The following CD109 variants were observed in gnomAD, a reference collection of about 807,000 sequenced individuals.
CD109 encodes CD109 molecule.
CD109 carries 149 observed loss-of-function variants against 165.8 expected under a neutral mutation model. The ratio of observed to expected loss-of-function variants is 0.90; its 90% CI spans 0.79 to 1.03. The LOEUF (loss-of-function observed/expected upper bound fraction) is 1.03, where lower values mean the gene tolerates loss of function less well. Ranked by LOEUF, CD109 falls within the 50% of genes least tolerant of loss-of-function variation. The pLI is 0.00. For missense variants in CD109, 1,712 were observed against 1,677.8 expected, an observed-to-expected ratio of 1.02 and a Z score of -0.36; for synonymous variants, 585 against 592.1, an observed-to-expected ratio of 0.99 and a Z score of 0.18.
upstream of CD109, chr6:73,696,029 G>A (rs9442945): frequency 3.5e-3 from 2,067 of 583,912 alleles, 32 homozygotes; most frequent in African/African-American, 0.037. Context: ...AATGGGGATG[G>A]GAGGGGTGGA....
chr6:73,750,631 A>T (rs568478782), intron 5 of CD109, among the ~76,000 whole-genome samples: 66 of 152,348 alleles, frequency 4.3e-4, no homozygotes, highest in Non-Finnish European at 6.9e-4. Context: ...GGTAATGTAT[A>T]TAATAGTCTA....
chr6:73,767,928 C>A, intron 13 of CD109, 127 bp from the exon 14 acceptor site: 2 of 778,460 alleles, frequency 2.6e-6, no homozygotes, highest in Non-Finnish European at 2.2e-6. Flanking sequence ...TTCCTGCATT[C>A]CAAAAGACTT....
intron 30 of CD109, among the ~76,000 whole-genome samples, chr6:73,816,572 T>A (rs571853399): frequency 6.6e-6 from 1 of 152,270 alleles, no homozygotes; most frequent in East Asian, 1.9e-4. Flanking sequence ...TCTCATTCAT[T>A]TATTTATTAC....
intron 14 of CD109, among the ~76,000 whole-genome samples, chr6:73,769,383 T>C (rs561994582): frequency 6.6e-6 from 1 of 152,320 alleles, no homozygotes; most frequent in South Asian, 2.1e-4. Context: ...GTAGAAGTTA[T>C]GGAGGCTTAA....
In CD109 at chr6:73,783,807, A is replaced by G; in HGVS notation, c.2206A>G (p.Thr736Ala). 6.3e-7 allele frequency: 1 copy of G among 1,592,390 alleles called. No individual in the cohort carries two copies. The highest frequency in any genetic ancestry group is 8.6e-7 in the Non-Finnish European group (1 of 1,160,756). Reference protein sequence around the residue: ...VISEDLGLGLTTTPVELQAFQ... With the variant: ...VISEDLGLGLATTPVELQAFQ... ...CTCTGAGGACCTGGGTCTTGGACTAACAACTACTCCAGTGGAGGTATTGTA... is the reference window on the plus strand; with the variant it reads ...CTCTGAGGACCTGGGTCTTGGACTAGCAACTACTCCAGTGGAGGTATTGTA... The change falls in exon 19 of 33, where the codon ACA (threonine) becomes GCA (alanine). Residue 736 changes from threonine to alanine, a missense_variant. Coordinates refer to ENST00000287097, the MANE Select transcript of CD109 (RefSeq NM_133493.5).
chr6:73,788,396 T>A (rs1774779271), intron 21 of CD109, 72 bp from the exon 22 acceptor site: 1 of 1,372,834 alleles, frequency 7.3e-7, no homozygotes, highest in South Asian at 1.4e-5. Context: ...ATGTTTGTGC[T>A]CATATCTGCG....
At chr6:73,803,352 C>G in intron 24 of CD109, 51 bp downstream of exon 24, 2 of 1,410,012 alleles carry the variant, frequency 1.4e-6, no homozygotes, top group Non-Finnish European at 2.0e-6. Context: ...TGGGCTTTCA[C>G]TAGGTCACAA....
chr6:73,720,557 T>C (rs1353342398), intron 2 of CD109, among the ~76,000 whole-genome samples: 2 of 152,206 alleles, frequency 1.3e-5, no homozygotes, highest in Non-Finnish European at 2.9e-5. Context: ...AATAGTGTGG[T>C]TTAGCCATTC....
intron 23 of CD109, among the ~76,000 whole-genome samples, chr6:73,802,305 A>ATATATATATATATTTTT (rs1554183463): frequency 2.1e-5 from 1 of 47,608 alleles, no homozygotes; most frequent in African/African-American, 8.5e-5. Context: ...ATATATATAT[A>ATATATATATATATTTTT]TTTTTTTTTT....
At chr6:73,683,626 C>G in the CD109 span, among the ~76,000 whole-genome samples, 1 of 152,146 alleles carries the variant, frequency 6.6e-6, no homozygotes, top group East Asian at 1.9e-4. Flanking sequence ...TCTACTGGTA[C>G]CAATTTACTG....
At chr6:73,719,291 GC>G (rs1332076872) in intron 2 of CD109, among the ~76,000 whole-genome samples, 2 of 152,016 alleles carry the variant, frequency 1.3e-5, no homozygotes, top group Non-Finnish European at 2.9e-5. Flanking sequence ...GAAATAAGCC[GC>G]CCCCAGATTT....
chr6:73,725,572 G>T (rs1420379383), intron 3 of CD109, among the ~76,000 whole-genome samples: 1 of 145,898 alleles, frequency 6.9e-6, no homozygotes, highest in Admixed American at 7.0e-5. Flanking sequence ...GCAGTGGCGC[G>T]ATCTCGGCTC....
intron 3 of CD109, among the ~76,000 whole-genome samples, chr6:73,728,553 C>T (rs375618166): frequency 1.3e-5 from 2 of 152,206 alleles, no homozygotes; most frequent in Non-Finnish European, 2.9e-5. Context: ...ATCTTTCTAT[C>T]CATCCATTAG....
chr6:73,765,620 A>G (rs976327657), intron 10 of CD109, among the ~76,000 whole-genome samples: 3 of 152,150 alleles, frequency 2.0e-5, no homozygotes, highest in Non-Finnish European at 4.4e-5. Context: ...GGAGAAGAAC[A>G]GATGTCCAAA....
intron 24 of CD109, among the ~76,000 whole-genome samples, chr6:73,805,446 C>G (rs192711518): frequency 6.6e-6 from 1 of 152,348 alleles, no homozygotes; most frequent in Non-Finnish European, 1.5e-5. Flanking sequence ...ATGGAACATA[C>G]AATCGGATTT....
chr6:73,798,485 C>A (rs1321871728), intron 23 of CD109, among the ~76,000 whole-genome samples: 1 of 152,152 alleles, frequency 6.6e-6, no homozygotes, highest in African/African-American at 2.4e-5. Flanking sequence ...GAGGGATCCA[C>A]AATGATGCAT....
chr6:73,770,266 G>A (rs1291964602), intron 14 of CD109, among the ~76,000 whole-genome samples: 1 of 152,358 alleles, frequency 6.6e-6, no homozygotes, highest in South Asian at 2.1e-4. Flanking sequence ...GTTGGAGAAA[G>A]AATTTATAAT....
At chr6:73,700,871 G>A (rs1323017151) in intron 2 of CD109, among the ~76,000 whole-genome samples, 1 of 132,786 alleles carries the variant, frequency 7.5e-6, no homozygotes, top group Admixed American at 8.7e-5. Flanking sequence ...GTGCGATCTC[G>A]GCTCACTGCA....
chr6:73,761,012 TAAACACAC>T (rs1773600960), intron 7 of CD109, among the ~76,000 whole-genome samples: 2 of 110,398 alleles, frequency 1.8e-5, no homozygotes, highest in African/African-American at 3.7e-5. Context: ...AGACTGTGTC[TAAACACAC>T]ACACACACAC....
Sources: gnomAD v4.1 joint callset for allele counts (sites outside exome capture counted in the v4.1 genomes callset) on GRCh38, gnomAD v4.1.1 for gene constraint, MANE v1.5 for transcripts, NCBI Gene and HGNC (gene_info 2026-07-23, HGNC 2026-07-21) for gene names.